The following CCSER1 variants were observed in gnomAD, a reference collection of about 807,000 sequenced individuals.
CCSER1 encodes coiled-coil serine rich protein 1.
A neutral mutation model predicts 82.0 loss-of-function variants in CCSER1; 41 were observed. The ratio of observed to expected loss-of-function variants is 0.50; its 90% confidence interval spans 0.39 to 0.65. The LOEUF is 0.65. Ranked by LOEUF, CCSER1 falls within the 30% of genes least tolerant of loss-of-function variation. CCSER1 has a pLI of 0.00. For synonymous variants in CCSER1, 414 were observed against 383.9 expected (o/e 1.08, Z -0.92); for missense variants, 1,119 against 1,064.2 (o/e 1.05, Z -0.72).
chr4:90,648,288 A>AGAAAGAAAGAAAGGAAAG (rs765247133), intron 6 of CCSER1, among the ~76,000 whole-genome samples: 1 of 96,386 alleles, frequency 1.0e-5, no homozygotes, highest in Non-Finnish European at 2.2e-5. Context: ...AAGAAAGGAA[A>AGAAAGAAAGAAAGGAAAG]GAAAGAAAGA....
At chr4:90,548,850 T>C (rs1318925998) in intron 5 of CCSER1, among the ~76,000 whole-genome samples, 2 of 151,956 alleles carry the variant, frequency 1.3e-5, no homozygotes. Context: ...CTTCAGAATA[T>C]CAAAGTTCAA....
At chr4:90,400,824 A>G (rs995835510) in intron 4 of CCSER1, among the ~76,000 whole-genome samples, 3 of 152,210 alleles carry the variant, frequency 2.0e-5, no homozygotes, top group African/African-American at 7.2e-5. Flanking sequence ...TGACAGCAAA[A>G]GTAAACATTT....
At chr4:90,519,910 T>C (rs1402006581) in intron 5 of CCSER1, among the ~76,000 whole-genome samples, 3 of 152,046 alleles carry the variant, frequency 2.0e-5, no homozygotes. Flanking sequence ...AAAACACGGT[T>C]TTCTTTGAAG....
intron 10 of CCSER1, among the ~76,000 whole-genome samples, chr4:91,265,097 T>C (rs577185549): frequency 1.4e-4 from 22 of 151,990 alleles, no homozygotes; most frequent in Non-Finnish European, 2.2e-4. Flanking sequence ...TCCTTAGATA[T>C]CTCACTAGAA....
At chr4:90,362,521 A>C (rs1578117611) in intron 3 of CCSER1, among the ~76,000 whole-genome samples, 1 of 152,224 alleles carries the variant, frequency 6.6e-6, no homozygotes, top group East Asian at 1.9e-4. Context: ...GAGAATGATC[A>C]CATATTGATT....
At chr4:91,386,100 A>G (rs1251223444) in intron 10 of CCSER1, among the ~76,000 whole-genome samples, 1 of 151,652 alleles carries the variant, frequency 6.6e-6, no homozygotes, top group Non-Finnish European at 1.5e-5. Context: ...AGTGCCCTGA[A>G]TCCTGTTTTT....
At chr4:91,018,183 A>G (rs1739608518) in intron 9 of CCSER1, among the ~76,000 whole-genome samples, 1 of 152,124 alleles carries the variant, frequency 6.6e-6, no homozygotes, top group South Asian at 2.1e-4. Flanking sequence ...TATTTAGCTC[A>G]GTACTCTACC....
intron 9 of CCSER1, among the ~76,000 whole-genome samples, chr4:90,993,565 A>C (rs1390364335): frequency 6.6e-6 from 1 of 152,014 alleles, no homozygotes; most frequent in Non-Finnish European, 1.5e-5. Context: ...AAATACATAG[A>C]CTGGATGGCT....
rs76697362 is a variant in CCSER1, at chr4:91,365,384, G to A, written c.2218-233188G>A. 6.2e-3 allele frequency among the ~76,000 whole-genome samples: 941 copies of A among 152,192 alleles called. 15 individuals are homozygous for A. Among genetic ancestry groups the A allele is most frequent in the African/African-American group, 0.021 (880 of 41,520 alleles). ...ACGTTTTTGATTCTCTATCTGGAATGCCAACTTGAAATATTACTTTCAATA... is the reference window on the plus strand; with the variant it reads ...ACGTTTTTGATTCTCTATCTGGAATACCAACTTGAAATATTACTTTCAATA... On this transcript the variant is annotated intron_variant, in intron 10 of 10. Transcript: ENST00000509176.
chr4:90,194,739 T>G (rs1736283925), intron 1 of CCSER1, among the ~76,000 whole-genome samples: 1 of 152,102 alleles, frequency 6.6e-6, no homozygotes, highest in African/African-American at 2.4e-5. Context: ...GAAAGCACAC[T>G]TTGTTTCCCA....
chr4:91,099,397 A>G (rs1449249626), intron 10 of CCSER1, among the ~76,000 whole-genome samples: 1 of 152,194 alleles, frequency 6.6e-6, no homozygotes, highest in Non-Finnish European at 1.5e-5. Flanking sequence ...AAAACTCAGA[A>G]TTGATAGGCA....
intron 8 of CCSER1, among the ~76,000 whole-genome samples, chr4:90,907,394 T>C (rs11097274): frequency 0.47 from 70,892 of 151,898 alleles, 18,202 homozygotes; most frequent in African/African-American, 0.7. Context: ...CTTGATGTGT[T>C]GAAAAATTCT....
chr4:90,716,526 CTCAA>C (rs1741668511), intron 6 of CCSER1, among the ~76,000 whole-genome samples: 1 of 152,098 alleles, frequency 6.6e-6, no homozygotes, highest in Non-Finnish European at 1.5e-5. Flanking sequence ...CTTGAAACTT[CTCAA>C]TCATAGTGCT....
At chr4:90,132,069 A>C (rs1722912842) in intron 1 of CCSER1, among the ~76,000 whole-genome samples, 3 of 152,214 alleles carry the variant, frequency 2.0e-5, no homozygotes, top group Admixed American at 2.0e-4. Context: ...GTTGAATTAA[A>C]ATATTTTCAT....
chr4:91,498,333 C>T (rs1339112236), intron 10 of CCSER1, among the ~76,000 whole-genome samples: 7 of 151,806 alleles, frequency 4.6e-5, no homozygotes, highest in African/African-American at 7.2e-5. Flanking sequence ...ATTATCCCTC[C>T]GGGATAACTT....
intron 1 of CCSER1, among the ~76,000 whole-genome samples, chr4:90,252,162 T>C (rs1278864607): frequency 6.6e-6 from 1 of 151,924 alleles, no homozygotes; most frequent in Non-Finnish European, 1.5e-5. Flanking sequence ...TCTTGAATTA[T>C]ACAGGTTGAG....
chr4:91,471,530 C>G (rs188743055), intron 10 of CCSER1, among the ~76,000 whole-genome samples: 182 of 152,152 alleles, frequency 1.2e-3, no homozygotes, highest in African/African-American at 4.3e-3. Flanking sequence ...AAAGCCGTGA[C>G]GACGCACTCC....
At chr4:91,342,849 T>C (rs973222910) in intron 10 of CCSER1, among the ~76,000 whole-genome samples, 4 of 152,136 alleles carry the variant, frequency 2.6e-5, no homozygotes, top group Non-Finnish European at 5.9e-5. Context: ...TTTGTTTTAT[T>C]TGGTTTCTTT....
chr4:91,340,447 T>C (rs1747637501), intron 10 of CCSER1, among the ~76,000 whole-genome samples: 1 of 152,196 alleles, frequency 6.6e-6, no homozygotes. Context: ...GAAGAATGAA[T>C]AGAGGCTAGT....
Sources: gnomAD v4.1 joint callset for allele counts (sites outside exome capture counted in the v4.1 genomes callset) on GRCh38, gnomAD v4.1.1 for gene constraint, MANE v1.5 for transcripts, NCBI Gene and HGNC (gene_info 2026-07-23, HGNC 2026-07-21) for gene names.